AFDN: variants seen among roughly 807,000 people sequenced by gnomAD.
The protein encoded by AFDN is afadin.
A neutral mutation model predicts 216.6 loss-of-function variants in AFDN; 68 were observed. The ratio of observed to expected loss-of-function variants is 0.31; its 90% CI spans 0.26 to 0.38. The LOEUF (loss-of-function observed/expected upper bound fraction) is 0.38. Among genes scored for constraint, AFDN ranks in the 10% least tolerant of loss-of-function variants. AFDN has a pLI of 1.00. For missense variants in AFDN, 2,136 were observed against 2,342.0 expected, an observed-to-expected ratio of 0.91 and a Z score of 1.82; for synonymous variants, 868 against 853.7, an observed-to-expected ratio of 1.02 and a Z score of -0.29.
intron 1 of AFDN, among the ~76,000 whole-genome samples, chr6:167,862,030 C>G (rs1783633449): frequency 6.6e-6 from 1 of 152,128 alleles, no homozygotes; most frequent in South Asian, 2.1e-4. Flanking sequence ...AAGATGGTTT[C>G]AGGGTGGTAG....
At chr6:167,836,955 C>T (rs906614692) in intron 1 of AFDN, among the ~76,000 whole-genome samples, 16 of 152,078 alleles carry the variant, frequency 1.1e-4, no homozygotes, top group Non-Finnish European at 7.4e-5. Context: ...TGTTTATGAC[C>T]TCGAATATTT....
At position 167,915,206 on chromosome 6, in the gene AFDN, C is replaced by T. The variant is rs762053194; in HGVS notation, c.2338C>T (p.Leu780=). The T allele has an allele frequency of 1.2e-6, 2 of 1,614,226 alleles. No individual in the cohort carries two copies. Among genetic ancestry groups the T allele is most frequent in the Non-Finnish European group, 1.7e-6 (2 of 1,180,040 alleles). The stretch of plus-strand genomic sequence containing the variant: ...CACGCTCACAGGAGCCATGTCCTTG[C>T]TACGACGCTGCAGAGTCAATGCCGC... ...LHTLTGAMSL[L]RRCRVNAALT... Residue 780 remains leucine, a synonymous_variant, in exon 19 of 34, where the codon CTA becomes TTA. Coordinates refer to ENST00000683244, the MANE Select transcript of AFDN (RefSeq NM_001386888.1).
At chr6:167,835,967 A>T (rs1399294561) in intron 1 of AFDN, among the ~76,000 whole-genome samples, 1 of 152,250 alleles carries the variant, frequency 6.6e-6, no homozygotes, top group South Asian at 2.1e-4. Flanking sequence ...AATATTTAAA[A>T]TGTAAACATA....
At chr6:167,909,308 G>A (rs902870916) in intron 13 of AFDN, among the ~76,000 whole-genome samples, 1 of 151,182 alleles carries the variant, frequency 6.6e-6, no homozygotes, top group East Asian at 1.9e-4. Flanking sequence ...AAAATATTTG[G>A]TTATATTTTT....
At chr6:167,915,692 C>T (rs761907513) in intron 19 of AFDN, among the ~76,000 whole-genome samples, 4 of 152,186 alleles carry the variant, frequency 2.6e-5, no homozygotes, top group Non-Finnish European at 5.9e-5. Context: ...AAAATGATTG[C>T]TTATAGATAA....
At position 167,898,447 on chromosome 6, in the gene AFDN, G is replaced by A. The variant is rs748309124; in HGVS notation, c.1560G>A (p.Lys520=). ...CTGTGGATGGAGGCCTGATGGTTAA[G>A]GGCCCAAGACATAAACCTGGGTAAA... ...KRSVDGGLMV[K]GPRHKPGIVQ... is the part of the protein sequence containing the mutation. Residue 520 remains lysine (K), a synonymous_variant, in exon 11 of 34, where the codon AAG becomes AAA. Transcript: ENST00000683244. 5.0e-6 allele frequency: 8 copies of A among 1,614,130 alleles called. No homozygotes were observed. Among genetic ancestry groups the A allele is most frequent in the Non-Finnish European group, 6.8e-6 (8 of 1,180,014 alleles).
chr6:167,959,180 A>G (rs1485876498), intron 30 of AFDN, among the ~76,000 whole-genome samples: 1 of 152,210 alleles, frequency 6.6e-6, no homozygotes, highest in African/African-American at 2.4e-5. Context: ...TCACCAGCTA[A>G]GCTCTAGATC....
Position 167,924,934 on chromosome 6 carries a change from C to G in AFDN, c.3013-71C>G, listed in dbSNP as rs564355572. 8.6e-6 allele frequency: 9 copies of G among 1,044,510 alleles called. No individual in the cohort carries two copies. The African/African-American group carries it at 1.4e-4, about 16-fold the overall frequency. 64.7% of individuals were successfully genotyped at this position (1,044,510 alleles called of 1,614,324 possible). On this transcript the variant is annotated intron_variant, in intron 22 of 33. Transcript: ENST00000683244. Reference sequence around the variant, plus strand: ...CTCCAGTGAACATGATTGACTAGATCATGAGTTGTCTAACCATACAGAAGC... The same window carrying G: ...CTCCAGTGAACATGATTGACTAGATGATGAGTTGTCTAACCATACAGAAGC...
rs933793012 is a variant in AFDN, at chr6:167,880,133, T to C, written c.740-227T>C. ...TTGAAGAGAGAAGATGAAAATGGTC[T>C]TTGTCATGCTGGATTGTTCATGGTT... is the stretch of plus-strand genomic sequence containing the variant. On this transcript the variant is annotated intron_variant, in intron 5 of 33. Transcript: ENST00000683244. Among the ~76,000 whole-genome samples the C allele has an allele frequency of 3.9e-5, 6 of 152,314 alleles. No homozygotes were observed. The South Asian group carries it at 8.3e-4, about 21-fold the overall frequency.
At chr6:167,873,764 C>G (rs959739027) in intron 4 of AFDN, among the ~76,000 whole-genome samples, 2 of 152,194 alleles carry the variant, frequency 1.3e-5, no homozygotes, top group African/African-American at 4.8e-5. Flanking sequence ...AAGGCAACAT[C>G]TTTCCACATA....
intron 10 of AFDN, among the ~76,000 whole-genome samples, chr6:167,897,865 C>T (rs1410205595): frequency 6.6e-6 from 1 of 151,908 alleles, no homozygotes; most frequent in African/African-American, 2.4e-5. Flanking sequence ...AGGATAGTCT[C>T]GATCTCCTGA....
At chr6:167,954,586 G>A in intron 30 of AFDN, 10 of 1,126,842 alleles carry the variant, frequency 8.9e-6, no homozygotes, top group Non-Finnish European at 1.3e-5. Context: ...AGTAGATCCA[G>A]TTCTCCTTAG....
chr6:167,962,403 G>T lies in AFDN; in HGVS notation c.4834-30G>T, dbSNP rs575622767. Reference sequence around the variant, plus strand: ...TATGTCTTGTGCTGGTGGAGTTTGTGGAGGGAGATTAATGTCAGCCTGTTG... The same window carrying T: ...TATGTCTTGTGCTGGTGGAGTTTGTTGAGGGAGATTAATGTCAGCCTGTTG... On this transcript the variant is annotated intron_variant, in intron 30 of 33. Coordinates refer to ENST00000683244, the MANE Select transcript of AFDN (RefSeq NM_001386888.1). The surrounding 1 kb of genome is among the most constrained non-coding windows in gnomAD (Gnocchi z 5.2). 1.6e-5 allele frequency: 25 copies of T among 1,612,420 alleles called. No homozygotes were observed. The highest frequency in any genetic ancestry group is 4.0e-5 in the African/African-American group (3 of 74,992).
intron 1 of AFDN, among the ~76,000 whole-genome samples, chr6:167,848,481 T>G (rs1488197374): frequency 6.6e-6 from 1 of 152,226 alleles, no homozygotes; most frequent in Non-Finnish European, 1.5e-5. Flanking sequence ...ATTCTATCTC[T>G]GTCCCTATCC....
rs1160766195 is a variant in AFDN at position 167,962,278 on chromosome 6, T to G, written c.4834-155T>G. On this transcript the variant is annotated intron_variant, in intron 30 of 33. Coordinates refer to ENST00000683244, the MANE Select transcript of AFDN (RefSeq NM_001386888.1). The surrounding 1 kb of genome is among the most constrained non-coding windows in gnomAD (Gnocchi z 5.2). ...TAGAGCTAAAAAATTGTAAAAAGTT[T>G]TATTTTCCAACAGTGATTTTAACCT... is the stretch of plus-strand genomic sequence containing the variant. 6.6e-6 allele frequency among the ~76,000 whole-genome samples: 1 copy of G among 152,242 alleles called. No homozygotes were observed. The highest frequency in any genetic ancestry group is 1.5e-5 in the Non-Finnish European group (1 of 68,040).
intron 1 of AFDN, among the ~76,000 whole-genome samples, chr6:167,837,527 T>C (rs962779658): frequency 6.6e-6 from 1 of 152,216 alleles, no homozygotes; most frequent in Non-Finnish European, 1.5e-5. Context: ...AATCTAGTTT[T>C]TAAAGTCACC....
At chr6:167,935,559 AC>A (rs979899279) in intron 23 of AFDN, among the ~76,000 whole-genome samples, 1 of 152,188 alleles carries the variant, frequency 6.6e-6, no homozygotes, top group African/African-American at 2.4e-5. Context: ...TTTTCAGAAG[AC>A]CTCTGCCTCA....
At chr6:167,896,840 A>G in intron 9 of AFDN, 38 bp from the exon 10 acceptor site, 1 of 1,252,636 alleles carries the variant, frequency 8.0e-7, no homozygotes, top group East Asian at 2.3e-5. Flanking sequence ...GTAATATTAG[A>G]CTTTGCAAAT....
At chr6:167,856,937 TATG>T (rs1404224669) in intron 1 of AFDN, among the ~76,000 whole-genome samples, 2 of 152,144 alleles carry the variant, frequency 1.3e-5, no homozygotes, top group Non-Finnish European at 2.9e-5. Context: ...TGTTGTCACA[TATG>T]ATGGCATATA....
Sources: gnomAD v4.1 joint callset for allele counts (sites outside exome capture counted in the v4.1 genomes callset) on GRCh38, gnomAD v4.1.1 for gene constraint, Gnocchi (gnomAD v3.1) non-coding constraint, MANE v1.5 for transcripts, NCBI Gene and HGNC (gene_info 2026-07-23, HGNC 2026-07-21) for gene names.